FMNL2: variants seen among roughly 807,000 people sequenced by gnomAD.
The protein encoded by FMNL2 is formin-like protein 2.
A neutral mutation model predicts 130.2 loss-of-function variants in FMNL2; 51 were observed. The ratio of observed to expected loss-of-function variants is 0.39; its 90% confidence interval spans 0.31 to 0.49. The LOEUF is 0.49. Ranked by LOEUF, FMNL2 falls within the 20% of genes least tolerant of loss-of-function variation. The pLI is 0.85. For synonymous variants in FMNL2, 465 were observed against 467.1 expected (o/e 1.00, Z 0.06); for missense variants, 977 against 1,316.2 (o/e 0.74, Z 3.99).
At chr2:152,453,847 C>T (rs1431301744) in intron 1 of FMNL2, among the ~76,000 whole-genome samples, 26 of 152,160 alleles carry the variant, frequency 1.7e-4, no homozygotes. Context: ...CCCAAATGTG[C>T]TCTCGTGTCC....
intron 1 of FMNL2, among the ~76,000 whole-genome samples, chr2:152,470,355 A>T (rs1689790508): frequency 6.6e-6 from 1 of 152,188 alleles, no homozygotes; most frequent in South Asian, 2.1e-4. Context: ...CTCAATAAAT[A>T]TTAACCATTA....
At chr2:152,542,923 C>A in intron 3 of FMNL2, 104 bp downstream of exon 3, 2 of 1,270,306 alleles carry the variant, frequency 1.6e-6, no homozygotes, top group Non-Finnish European at 2.2e-6. Flanking sequence ...GAGCCTCTGC[C>A]AGAGCCTCCA....
chr2:152,643,110 G>T (rs1683238932), intron 25 of FMNL2, among the ~76,000 whole-genome samples: 1 of 152,280 alleles, frequency 6.6e-6, no homozygotes, highest in East Asian at 1.9e-4. Context: ...TAAAATGAAT[G>T]TACATTTTCT....
At chr2:152,464,469 A>T (rs1689418617) in intron 1 of FMNL2, among the ~76,000 whole-genome samples, 1 of 151,964 alleles carries the variant, frequency 6.6e-6, no homozygotes, top group Admixed American at 6.6e-5. Flanking sequence ...TCAGGAATGT[A>T]CCCCCCTGAT....
intron 2 of FMNL2, among the ~76,000 whole-genome samples, chr2:152,526,456 CT>C (rs1410354512): frequency 6.6e-6 from 1 of 152,164 alleles, no homozygotes; most frequent in Non-Finnish European, 1.5e-5. Context: ...AAGTTCCAGG[CT>C]TTGATTCTAC....
At chr2:152,589,345 G>A (rs1697259636) in intron 9 of FMNL2, among the ~76,000 whole-genome samples, 1 of 152,054 alleles carries the variant, frequency 6.6e-6, no homozygotes, top group Non-Finnish European at 1.5e-5. Flanking sequence ...AAAAACCCAG[G>A]GTGTTAGGGT....
intron 15 of FMNL2, among the ~76,000 whole-genome samples, chr2:152,620,154 A>C (rs1699179756): frequency 6.6e-6 from 1 of 152,102 alleles, no homozygotes; most frequent in African/African-American, 2.4e-5. Flanking sequence ...CATCTATAAA[A>C]GGGAAACATG....
intron 9 of FMNL2, among the ~76,000 whole-genome samples, chr2:152,606,783 T>C (rs959113723): frequency 6.6e-6 from 1 of 151,996 alleles, no homozygotes; most frequent in African/African-American, 2.4e-5. Flanking sequence ...GATTCTGGGA[T>C]GCTACTTCAC....
chr2:152,490,366 C>G, intron 1 of FMNL2, among the ~76,000 whole-genome samples: 1 of 152,100 alleles, frequency 6.6e-6, no homozygotes, highest in Middle Eastern at 3.4e-3. Flanking sequence ...CTTTGAAAAT[C>G]GTAAGTGTAC....
chr2:152,440,074 C>T (rs765662885), intron 1 of FMNL2, among the ~76,000 whole-genome samples: 1 of 151,896 alleles, frequency 6.6e-6, no homozygotes, highest in Non-Finnish European at 1.5e-5. Context: ...TTTGGATCAG[C>T]CTGCCTTAAC....
At chr2:152,375,877 C>CTCTCTCTCTCTCTCTCTCTCTCTATATA (rs796954245) in intron 1 of FMNL2, among the ~76,000 whole-genome samples, 1 of 112,482 alleles carries the variant, frequency 8.9e-6, no homozygotes, top group African/African-American at 3.5e-5. Context: ...CTCTCTCTCT[C>CTCTCTCTCTCTCTCTCTCTCTCTATATA]TATATATATA....
At chr2:152,468,084 GGTT>G (rs1202768474) in intron 1 of FMNL2, among the ~76,000 whole-genome samples, 2 of 152,226 alleles carry the variant, frequency 1.3e-5, no homozygotes, top group Non-Finnish European at 2.9e-5. Context: ...ACCAGGAATT[GGTT>G]TAGCCCCTGA....
In FMNL2 at chr2:152,619,490, T is replaced by C; in HGVS notation, c.1628-19T>C. 2 of 1,549,872 alleles carry C rather than the reference T, an allele frequency of 1.3e-6. No homozygotes were observed. The highest frequency in any genetic ancestry group is 1.2e-5 in the South Asian group (1 of 83,970). ...TTCCCGTATTTTCAAAGTCCATCTG[T>C]TTCTTTTTTCTTTGCTAGTGCAAAA... On this transcript the variant is annotated intron_variant, in intron 14 of 25. Transcript: ENST00000288670.
chr2:152,552,238 T>C lies in FMNL2; in HGVS notation c.359+3141T>C, dbSNP rs56327849. ...AGTTACTCAATATATGATAGTTGTTTGTTATGCTTGTTGCAAATAATTACC... is the reference window on the plus strand; with the variant it reads ...AGTTACTCAATATATGATAGTTGTTCGTTATGCTTGTTGCAAATAATTACC... On this transcript the variant is annotated intron_variant, in intron 4 of 25. Coordinates refer to ENST00000288670, the MANE Select transcript of FMNL2 (RefSeq NM_052905.4). 1.8e-3 allele frequency among the ~76,000 whole-genome samples: 276 copies of C among 152,338 alleles called. 2 individuals carry two copies. The highest frequency in any genetic ancestry group is 6.3e-3 in the African/African-American group (263 of 41,580).
chr2:152,412,476 ATATATATATATATATATATATATAT>A (rs1686365855), intron 1 of FMNL2, among the ~76,000 whole-genome samples: 7 of 97,884 alleles, frequency 7.2e-5, no homozygotes, highest in African/African-American at 1.1e-4. Flanking sequence ...ATATATATAT[ATATATATATATATATATATATATAT>A]AAATTAGAAA....
chr2:152,481,176 A>C lies in FMNL2; in HGVS notation c.118-40767A>C, dbSNP rs528501845. On this transcript the variant is annotated intron_variant, in intron 1 of 25. Coordinates refer to ENST00000288670, the MANE Select transcript of FMNL2 (RefSeq NM_052905.4). ...AACTGAACAAAAAGTTCAGCTTTACATTTTAAAAAATTTCTTCTAAGCAGA... is the reference window on the plus strand; with the variant it reads ...AACTGAACAAAAAGTTCAGCTTTACCTTTTAAAAAATTTCTTCTAAGCAGA... Among the ~76,000 whole-genome samples the C allele has an allele frequency of 7.2e-5, 11 of 152,336 alleles. No individual in the cohort carries two copies. The South Asian group carries it at 1.9e-3, about 26-fold the overall frequency.
intron 1 of FMNL2, among the ~76,000 whole-genome samples, chr2:152,338,000 G>A (rs536287741): frequency 6.6e-6 from 1 of 151,336 alleles, no homozygotes; most frequent in South Asian, 2.1e-4. Context: ...ATAGAAGTGC[G>A]CAGTGTTGGT....
intron 9 of FMNL2, among the ~76,000 whole-genome samples, chr2:152,593,539 G>A (rs1697547900): frequency 6.6e-6 from 1 of 151,990 alleles, no homozygotes; most frequent in Non-Finnish European, 1.5e-5. Context: ...TGTGGCCATG[G>A]CAATGAATAT....
intron 14 of FMNL2, 113 bp downstream of exon 14, chr2:152,619,271 T>C: frequency 2.9e-6 from 4 of 1,358,604 alleles, no homozygotes; most frequent in South Asian, 1.6e-5. Context: ...TCTTTAAGAA[T>C]TGGTTTTCTT....
Sources: allele counts gnomAD v4.1 joint callset (sites outside exome capture counted in the v4.1 genomes callset), GRCh38; gene constraint gnomAD v4.1.1; transcripts MANE v1.5; gene names NCBI Gene and HGNC (gene_info 2026-07-23, HGNC 2026-07-21).